The following RARB variants were observed in gnomAD, a reference collection of about 807,000 sequenced individuals.
RARB encodes HBV-activated protein.
In RARB, 17 loss-of-function variants were observed where a neutral mutation model predicts 51.9. The ratio of observed to expected loss-of-function variants is 0.33; its 90% CI spans 0.22 to 0.49. The LOEUF is 0.49. Ranked by LOEUF, RARB falls within the 20% of genes least tolerant of loss-of-function variation. The pLI is 0.99. For missense variants in RARB, 369 were observed against 550.8 expected (o/e 0.67, Z 3.30); for synonymous variants, 215 against 195.4 (o/e 1.10, Z -0.84).
At chr3:25,330,271 C>T (rs569709944) in intron 5 of RARB, among the ~76,000 whole-genome samples, 2 of 152,254 alleles carry the variant, frequency 1.3e-5, no homozygotes, top group South Asian at 4.2e-4. Flanking sequence ...AGAGAAAGGT[C>T]AGGTTACCCA....
chr3:24,957,551 G>A (rs1312617340), intron 2 of RARB, among the ~76,000 whole-genome samples: 1 of 152,126 alleles, frequency 6.6e-6, no homozygotes, highest in East Asian at 1.9e-4. Context: ...AGAAAAGATT[G>A]TTCTCAGTAA....
chr3:25,119,421 T>C (rs1699743198), intron 3 of RARB, among the ~76,000 whole-genome samples: 1 of 152,160 alleles, frequency 6.6e-6, no homozygotes, highest in Admixed American at 6.6e-5. Context: ...TAGTAGTGTA[T>C]GCTCCATGGG....
At chr3:25,420,990 C>CAA (rs376170107) in intron 5 of RARB, among the ~76,000 whole-genome samples, 1,878 of 62,276 alleles carry the variant, frequency 0.03, 72 homozygotes, top group African/African-American at 0.077. Context: ...ACCACTTATG[C>CAA]CAAAAAAAAA....
At chr3:25,157,403 G>A (rs139463577) in intron 4 of RARB, among the ~76,000 whole-genome samples, 2,552 of 146,076 alleles carry the variant, frequency 0.017, 37 homozygotes, top group Middle Eastern at 0.047. Flanking sequence ...TTTTTTTGTT[G>A]TTGTTTTTGT....
chr3:25,240,051 T>C (rs1702394434), intron 5 of RARB, among the ~76,000 whole-genome samples: 1 of 152,024 alleles, frequency 6.6e-6, no homozygotes, highest in Admixed American at 6.6e-5. Flanking sequence ...TGTTTGTTTT[T>C]TTTTTGTTAT....
At chr3:25,457,180 G>A (rs1027926617) in intron 1 of RARB, among the ~76,000 whole-genome samples, 3 of 151,948 alleles carry the variant, frequency 2.0e-5, no homozygotes, top group Non-Finnish European at 1.5e-5. Flanking sequence ...TCATTAGGAC[G>A]TTAAAAAGCT....
At chr3:25,089,200 T>G (rs1000279325) in intron 3 of RARB, among the ~76,000 whole-genome samples, 1 of 152,086 alleles carries the variant, frequency 6.6e-6, no homozygotes, top group Non-Finnish European at 1.5e-5. Flanking sequence ...TTTGGTTTAT[T>G]TTGGTTTTCC....
At chr3:25,448,302 T>C (rs1709039770) in intron 1 of RARB, among the ~76,000 whole-genome samples, 1 of 152,180 alleles carries the variant, frequency 6.6e-6, no homozygotes, top group Non-Finnish European at 1.5e-5. Context: ...TTGAATTATT[T>C]TTTCAAGATT....
At chr3:25,155,176 CT>C (rs947607120) in intron 4 of RARB, among the ~76,000 whole-genome samples, 2 of 152,036 alleles carry the variant, frequency 1.3e-5, no homozygotes, top group Non-Finnish European at 2.9e-5. Context: ...CTGCTCAATT[CT>C]TTTTTTTGTA....
At chr3:25,564,986 C>T (rs1011885135) in intron 3 of RARB, among the ~76,000 whole-genome samples, 8 of 152,190 alleles carry the variant, frequency 5.3e-5, no homozygotes, top group Admixed American at 3.3e-4. Flanking sequence ...CATCTCCCCA[C>T]CCACCATCCC....
At chr3:25,448,440 G>C (rs1443329508) in intron 1 of RARB, among the ~76,000 whole-genome samples, 21 of 152,146 alleles carry the variant, frequency 1.4e-4, no homozygotes, top group Non-Finnish European at 2.9e-5. Flanking sequence ...AGTTTGAACA[G>C]TTCTATATAG....
At chr3:25,300,165 A>G (rs1472595721) in intron 5 of RARB, among the ~76,000 whole-genome samples, 1 of 152,232 alleles carries the variant, frequency 6.6e-6, no homozygotes, top group East Asian at 1.9e-4. Flanking sequence ...CGCTGCTGCC[A>G]TGTGTCTGAT....
chr3:24,946,477 G>T (rs1378139268), intron 2 of RARB, among the ~76,000 whole-genome samples: 2 of 151,750 alleles, frequency 1.3e-5, no homozygotes, highest in African/African-American at 4.8e-5. Flanking sequence ...AAAATGTCTT[G>T]CAAATATGGT....
At chr3:25,079,146 C>A (rs979068918) in intron 3 of RARB, among the ~76,000 whole-genome samples, 7 of 151,372 alleles carry the variant, frequency 4.6e-5, no homozygotes, top group Admixed American at 4.6e-4. Context: ...ATTTTTTGTT[C>A]TTGTCAACAG....
At chr3:25,227,111 G>C (rs1702072264) in intron 5 of RARB, among the ~76,000 whole-genome samples, 2 of 152,236 alleles carry the variant, frequency 1.3e-5, no homozygotes, top group South Asian at 4.1e-4. Context: ...GGCTGGGACA[G>C]CATGTTTGCC....
At chr3:25,329,861 G>C (rs532666513) in intron 5 of RARB, among the ~76,000 whole-genome samples, 35 of 152,170 alleles carry the variant, frequency 2.3e-4, no homozygotes, top group Non-Finnish European at 4.7e-4. Flanking sequence ...AGAACTACGT[G>C]ATGCATGCAC....
At chr3:25,432,050 A>G (rs1177131473) in intron 1 of RARB, among the ~76,000 whole-genome samples, 3 of 152,214 alleles carry the variant, frequency 2.0e-5, no homozygotes, top group Non-Finnish European at 4.4e-5. Context: ...AAAGTAGGAC[A>G]TAATTTTCTG....
intron 5 of RARB, among the ~76,000 whole-genome samples, chr3:25,388,869 CTG>C (rs1191081354): frequency 6.6e-6 from 1 of 152,082 alleles, no homozygotes; most frequent in East Asian, 1.9e-4. Context: ...AATCTAGAAA[CTG>C]TTTTGAATGT....
At chr3:25,001,509 T>A (rs1012387841) in intron 2 of RARB, among the ~76,000 whole-genome samples, 1 of 151,952 alleles carries the variant, frequency 6.6e-6, no homozygotes, top group East Asian at 1.9e-4. Flanking sequence ...GTGGGAGAGA[T>A]CCATTTTACA....
Sources: gnomAD v4.1 joint callset for allele counts (sites outside exome capture counted in the v4.1 genomes callset) on GRCh38, gnomAD v4.1.1 for gene constraint, MANE v1.5 for transcripts, NCBI Gene and HGNC (gene_info 2026-07-23, HGNC 2026-07-21) for gene names.